AJAP1: variants seen among roughly 807,000 people sequenced by gnomAD.
The protein encoded by AJAP1 is adherens junctions associated protein 1, also known as adherens junction-associated protein 1.
A neutral mutation model predicts 35.0 loss-of-function variants in AJAP1; 5 were observed. The observed-to-expected ratio is 0.14, with a 90% CI of 0.07 to 0.30. AJAP1 has a LOEUF of 0.30. Among genes scored for constraint, AJAP1 ranks in the 10% least tolerant of loss-of-function variants. AJAP1 has a pLI of 1.00. For missense variants in AJAP1, 586 were observed against 571.0 expected, an observed-to-expected ratio of 1.03 and a Z score of -0.27; for synonymous variants, 284 against 249.3, an observed-to-expected ratio of 1.14 and a Z score of -1.31.
rs947243332 is a variant in AJAP1 at position 4,693,057 on chromosome 1, C to T, written c.30-18843C>T. The stretch of plus-strand genomic sequence containing the variant: ...TGAGCTTCATAAATGCCCACCTCAG[C>T]TGTGCTTTACAGTTTCCTGGAAGCC... On this transcript the variant is annotated intron_variant, in intron 1 of 5. Transcript: ENST00000378191. This position sits in a 1 kb window ranked among gnomAD's most constrained non-coding sequence, Gnocchi z 4.4. 2.0e-5 allele frequency among the ~76,000 whole-genome samples: 3 copies of T among 152,174 alleles called. No homozygotes were observed. The highest frequency in any genetic ancestry group is 4.8e-5 in the African/African-American group (2 of 41,446).
chr1:4,722,485 A>G (rs540331841), intron 2 of AJAP1, among the ~76,000 whole-genome samples: 3 of 152,242 alleles, frequency 2.0e-5, no homozygotes, highest in Non-Finnish European at 4.4e-5. Flanking sequence ...CATCTTGTGC[A>G]TGGGAGGCCC....
At chr1:4,673,783 C>G (rs556986880) in intron 1 of AJAP1, among the ~76,000 whole-genome samples, 2 of 152,122 alleles carry the variant, frequency 1.3e-5, no homozygotes, top group East Asian at 3.9e-4. Context: ...AATTCATTCT[C>G]AGCGTTTTAG....
chr1:4,722,193 G>A (rs142371337), intron 2 of AJAP1, among the ~76,000 whole-genome samples: 1 of 152,206 alleles, frequency 6.6e-6, no homozygotes, highest in Non-Finnish European at 1.5e-5. Context: ...GGGAACTTCA[G>A]CGTGTTCCAG....
At chr1:4,753,470 T>A (rs1641363405) in intron 2 of AJAP1, among the ~76,000 whole-genome samples, 1 of 152,260 alleles carries the variant, frequency 6.6e-6, no homozygotes, top group South Asian at 2.1e-4. Flanking sequence ...TGTAAATTAT[T>A]CATATACATT....
chr1:4,683,389 C>T (rs1553155155), intron 1 of AJAP1, among the ~76,000 whole-genome samples: 1 of 152,210 alleles, frequency 6.6e-6, no homozygotes, highest in Non-Finnish European at 1.5e-5. Context: ...GTTTCCCATT[C>T]AGTGGTCTGG....
At position 4,719,556 on chromosome 1, in the gene AJAP1, G is replaced by T. The variant is rs372884695; in HGVS notation, c.829+6857G>T. 4.2e-4 allele frequency among the ~76,000 whole-genome samples: 64 copies of T among 152,254 alleles called. No homozygotes were observed. In the East Asian group the frequency reaches 9.7e-3, roughly 23 times the overall value. ...CATAGGAAGAGCCCATCTCGGGGGC[G>T]TGTGGTGGGGCTGAGATAGAGTAGG... On this transcript the variant is annotated intron_variant, in intron 2 of 5. Transcript: ENST00000378191.
chr1:4,686,197 C>G (rs1639600694), intron 1 of AJAP1, among the ~76,000 whole-genome samples: 1 of 152,232 alleles, frequency 6.6e-6, no homozygotes, highest in Admixed American at 6.5e-5. Context: ...AACTCCTTAA[C>G]AAATAACCAC....
Position 4,788,021 on chromosome 1 carries a change from T to G in AJAP1, c.*5536T>G. 1 of 307,640 alleles carries G rather than the reference T, an allele frequency of 3.3e-6. No homozygotes were observed. The highest frequency in any genetic ancestry group is 2.6e-5 in the South Asian group (1 of 38,052). 19.1% of individuals were successfully genotyped at this position (307,640 alleles called of 1,614,324 possible). On this transcript the variant is annotated 3_prime_UTR_variant, in exon 6 of 6. Coordinates refer to ENST00000378191, the MANE Select transcript of AJAP1 (RefSeq NM_018836.4). ...TTTTGATTATTTGTTTGTTTTCTAG[T>G]GTAAATAGCACAGCCCACATAAATG...
At chr1:4,672,243 C>T (rs1167282146) in intron 1 of AJAP1, among the ~76,000 whole-genome samples, 1 of 152,120 alleles carries the variant, frequency 6.6e-6, no homozygotes, top group Non-Finnish European at 1.5e-5. Context: ...AGTTATTGGA[C>T]CCCAAATCAC....
At chr1:4,724,256 A>G (rs773975336) in intron 2 of AJAP1, among the ~76,000 whole-genome samples, 2 of 151,988 alleles carry the variant, frequency 1.3e-5, no homozygotes, top group Non-Finnish European at 2.9e-5. Flanking sequence ...GCTCAAGGAG[A>G]GGGGGCACTT....
At chr1:4,748,885 G>A (rs1641257940) in intron 2 of AJAP1, among the ~76,000 whole-genome samples, 1 of 152,038 alleles carries the variant, frequency 6.6e-6, no homozygotes, top group African/African-American at 2.4e-5. Context: ...GCAGAGAGCA[G>A]CCCTTGCTAG....
chr1:4,745,424 C>T (rs1275435595), intron 2 of AJAP1, among the ~76,000 whole-genome samples: 1 of 152,226 alleles, frequency 6.6e-6, no homozygotes, highest in South Asian at 2.1e-4. Flanking sequence ...TTGCCCTGCC[C>T]TCCATCCTGG....
At chr1:4,662,929 G>A (rs1277257990) in intron 1 of AJAP1, among the ~76,000 whole-genome samples, 2 of 152,196 alleles carry the variant, frequency 1.3e-5, no homozygotes, top group African/African-American at 4.8e-5. Context: ...GCCTGGAGGT[G>A]GAGGGGAGAG....
At chr1:4,696,987 T>C (rs1025560594) in intron 1 of AJAP1, among the ~76,000 whole-genome samples, 1 of 152,156 alleles carries the variant, frequency 6.6e-6, no homozygotes, top group African/African-American at 2.4e-5. Context: ...CACATGTGCA[T>C]GTGTGTATGT....
chr1:4,679,808 G>GGTGTGTGTGTGTGTGTGTGT (rs60846836), intron 1 of AJAP1, among the ~76,000 whole-genome samples: 15 of 142,324 alleles, frequency 1.1e-4, no homozygotes, highest in East Asian at 2.1e-4. Context: ...GAACCAATAG[G>GGTGTGTGTGTGTGTGTGTGT]GTGTGTGTGT....
chr1:4,768,746 C>T (rs1641750538), intron 2 of AJAP1, among the ~76,000 whole-genome samples: 1 of 152,208 alleles, frequency 6.6e-6, no homozygotes, highest in African/African-American at 2.4e-5. Flanking sequence ...GGCGGACTCC[C>T]TCACTGCCTT....
rs1451498993 is a variant in AJAP1 at position 4,723,630 on chromosome 1, C to T, written c.829+10931C>T. ...GAGACGTGGTGAGGGGAGAGTCCTG[C>T]GAGGGCGATGGAAGGGAGACGGGAG... is the stretch of plus-strand genomic sequence containing the variant. On this transcript the variant is annotated intron_variant, in intron 2 of 5. Coordinates refer to ENST00000378191, the MANE Select transcript of AJAP1 (RefSeq NM_018836.4). The surrounding 1 kb of genome is among the most constrained non-coding windows in gnomAD (Gnocchi z 4.3). Among the ~76,000 whole-genome samples the T allele has an allele frequency of 6.6e-6, 1 of 151,846 alleles. No individual in the cohort carries two copies. Among genetic ancestry groups the T allele is most frequent in the Non-Finnish European group, 1.5e-5 (1 of 67,970 alleles).
Position 4,720,602 on chromosome 1 carries a change from T to A in AJAP1, c.829+7903T>A, listed in dbSNP as rs1640494166. On this transcript the variant is annotated intron_variant, in intron 2 of 5. Transcript: ENST00000378191. This position sits in a 1 kb window ranked among gnomAD's most constrained non-coding sequence, Gnocchi z 4.4. ...AGCAATTTCTTTGTGACAAGGCTGTTCTGAGACTGGACCATGCCAGCACAT... is the reference window on the plus strand; with the variant it reads ...AGCAATTTCTTTGTGACAAGGCTGTACTGAGACTGGACCATGCCAGCACAT... Among the ~76,000 whole-genome samples the A allele has an allele frequency of 6.6e-6, 1 of 152,230 alleles. No individual in the cohort carries two copies. Among genetic ancestry groups the A allele is most frequent in the Non-Finnish European group, 1.5e-5 (1 of 68,050 alleles).
intron 5 of AJAP1, among the ~76,000 whole-genome samples, chr1:4,780,177 G>A (rs1570235438): frequency 6.7e-6 from 1 of 150,038 alleles, no homozygotes; most frequent in Admixed American, 6.7e-5. Flanking sequence ...AACCATTTAT[G>A]CGTGTCTAGT....
Sources: gnomAD v4.1 joint callset for allele counts (sites outside exome capture counted in the v4.1 genomes callset) on GRCh38, gnomAD v4.1.1 for gene constraint, Gnocchi (gnomAD v3.1) non-coding constraint, MANE v1.5 for transcripts, NCBI Gene and HGNC (gene_info 2026-07-23, HGNC 2026-07-21) for gene names.